The following NRXN3 variants were observed in gnomAD, a reference collection of about 807,000 sequenced individuals.
NRXN3 encodes neurexin 3.
Under a neutral mutation model 137.6 loss-of-function variants are expected in NRXN3, and 32 were observed. The observed-to-expected ratio is 0.23, with a 90% confidence interval of 0.18 to 0.31. NRXN3 has a LOEUF of 0.31. Ranked by LOEUF, NRXN3 falls within the 10% of genes least tolerant of loss-of-function variation. The probability of loss-of-function intolerance (pLI) is 1.00; values close to 1 mark genes in which losing one functional copy is unlikely to be tolerated. For missense variants in NRXN3, 1,574 were observed against 2,062.5 expected (o/e 0.76, Z 4.59); for synonymous variants, 798 against 784.5 (o/e 1.02, Z -0.29).
intron 15 of NRXN3, among the ~76,000 whole-genome samples, chr14:79,423,518 C>G (rs2095611730): frequency 6.6e-6 from 1 of 152,198 alleles, no homozygotes; most frequent in Non-Finnish European, 1.5e-5. Flanking sequence ...AGGACCAGTA[C>G]TAGAATGGTT....
At chr14:78,710,619 T>A (rs1338435240) in intron 7 of NRXN3, among the ~76,000 whole-genome samples, 1 of 152,244 alleles carries the variant, frequency 6.6e-6, no homozygotes, top group Non-Finnish European at 1.5e-5. Flanking sequence ...TGATGAACAT[T>A]AAAAAGTCTC....
chr14:79,754,503 GAT>G (rs57962525), intron 19 of NRXN3, among the ~76,000 whole-genome samples: 3 of 44,180 alleles, frequency 6.8e-5, no homozygotes, highest in Non-Finnish European at 1.0e-4. Flanking sequence ...ACTCTCTCTT[GAT>G]ATATATATAT....
intron 19 of NRXN3, among the ~76,000 whole-genome samples, chr14:79,760,069 T>G (rs1289976671): frequency 3.3e-5 from 5 of 151,658 alleles, no homozygotes; most frequent in Non-Finnish European, 5.9e-5. Context: ...AATACATATA[T>G]ATACTATGTG....
chr14:79,736,021 T>C (rs1043171345), intron 19 of NRXN3, among the ~76,000 whole-genome samples: 8 of 152,214 alleles, frequency 5.3e-5, no homozygotes, highest in Admixed American at 1.3e-4. Context: ...ATTTATCTTG[T>C]TCCAGGGCAT....
chr14:79,150,453 G>T (rs1278101764), intron 15 of NRXN3, among the ~76,000 whole-genome samples: 1 of 151,908 alleles, frequency 6.6e-6, no homozygotes, highest in Non-Finnish European at 1.5e-5. Flanking sequence ...TGAGAGATGT[G>T]ACTAACACCC....
intron 4 of NRXN3, among the ~76,000 whole-genome samples, chr14:78,610,827 C>T (rs2152467834): frequency 6.6e-6 from 1 of 152,342 alleles, no homozygotes; most frequent in South Asian, 2.1e-4. Flanking sequence ...ACTCCACATC[C>T]ACTCAGCTGC....
chr14:79,740,440 C>G lies in NRXN3; in HGVS notation c.4014+42503C>G, dbSNP rs139797099. Among the ~76,000 whole-genome samples, 611 of 151,984 alleles carry G rather than the reference C, an allele frequency of 4.0e-3. 7 individuals are homozygous for G. Among genetic ancestry groups the G allele is most frequent in the African/African-American group, 0.014 (574 of 41,476 alleles). On this transcript the variant is annotated intron_variant, in intron 19 of 20. Transcript: ENST00000335750. ...TTCTGAGTCTGCCTTCCTGGCTCTT[C>G]ACAATGCAGCCTGAGTCCATCTTTT...
chr14:79,425,166 A>G (rs1193304940), intron 15 of NRXN3, among the ~76,000 whole-genome samples: 6 of 152,196 alleles, frequency 3.9e-5, no homozygotes, highest in Admixed American at 2.6e-4. Flanking sequence ...CGATTGCTAT[A>G]AATTAAAACT....
intron 2 of NRXN3, among the ~76,000 whole-genome samples, chr14:78,268,108 G>A (rs961089979): frequency 6.6e-6 from 1 of 152,060 alleles, no homozygotes; most frequent in Non-Finnish European, 1.5e-5. Context: ...TTTAATGAGG[G>A]GATTGAGGGG....
At chr14:78,364,769 C>T (rs1478946474) in intron 4 of NRXN3, among the ~76,000 whole-genome samples, 1 of 152,144 alleles carries the variant, frequency 6.6e-6, no homozygotes, top group Non-Finnish European at 1.5e-5. Flanking sequence ...TATACAAACT[C>T]CCAAAGAAAC....
At chr14:78,930,233 C>T (rs1457796997) in intron 10 of NRXN3, among the ~76,000 whole-genome samples, 1 of 152,134 alleles carries the variant, frequency 6.6e-6, no homozygotes, top group African/African-American at 2.4e-5. Flanking sequence ...AGCCAGGCTT[C>T]CTATATGCCT....
intron 2 of NRXN3, among the ~76,000 whole-genome samples, chr14:78,256,168 G>A (rs952749672): frequency 1.3e-5 from 2 of 152,150 alleles, no homozygotes; most frequent in Admixed American, 1.3e-4. Context: ...GCAGTGGAAT[G>A]GCTGTTTGAG....
intron 4 of NRXN3, among the ~76,000 whole-genome samples, chr14:78,542,216 C>G (rs764599256): frequency 1.3e-5 from 2 of 152,212 alleles, no homozygotes; most frequent in Non-Finnish European, 2.9e-5. Flanking sequence ...AGCTGTCAGA[C>G]AGGGACGTTT....
intron 20 of NRXN3, among the ~76,000 whole-genome samples, chr14:79,822,904 A>G (rs1002678708): frequency 2.0e-5 from 3 of 152,234 alleles, no homozygotes; most frequent in Non-Finnish European, 2.9e-5. Flanking sequence ...GTCTACTTAA[A>G]GAAAGACAGA....
At chr14:78,993,817 T>A (rs1567928913) in intron 15 of NRXN3, among the ~76,000 whole-genome samples, 1 of 149,916 alleles carries the variant, frequency 6.7e-6, no homozygotes, top group Non-Finnish European at 1.5e-5. Context: ...TGGTTTTCAT[T>A]GAAGATGAGC....
rs115955054 is a variant in NRXN3, at chr14:78,496,213, T to C, written c.758-148907T>C. Among the ~76,000 whole-genome samples, 464 of 152,298 alleles carry C rather than the reference T, an allele frequency of 3.0e-3. 8 individuals are homozygous for C. Among genetic ancestry groups the C allele is most frequent in the African/African-American group, 0.011 (448 of 41,582 alleles). On this transcript the variant is annotated intron_variant, in intron 4 of 20. Transcript: ENST00000335750. ...AACCATCTTAGCTTCTTCAACATTATACAGTGAAAGCCAGAGGGGAAACCT... is the reference window on the plus strand; with the variant it reads ...AACCATCTTAGCTTCTTCAACATTACACAGTGAAAGCCAGAGGGGAAACCT...
chr14:78,479,467 C>T (rs73316501), intron 4 of NRXN3, among the ~76,000 whole-genome samples: 7,717 of 152,232 alleles, frequency 0.051, 260 homozygotes, highest in African/African-American at 0.093. Context: ...TTCTGGGGAC[C>T]ACAGTTTAAG....
chr14:79,027,096 A>T (rs12892479), intron 15 of NRXN3, among the ~76,000 whole-genome samples: 75,986 of 146,406 alleles, frequency 0.52, 22,402 homozygotes, highest in East Asian at 0.78. Context: ...TTTTTTTTTT[A>T]AAACTTGTTG....
chr14:78,832,588 A>G lies in NRXN3; in HGVS notation c.2275+22244A>G, dbSNP rs141325377. Among the ~76,000 whole-genome samples the G allele has an allele frequency of 1.0e-3, 155 of 151,930 alleles. 1 individual carries two copies. The highest frequency in any genetic ancestry group is 3.6e-3 in the African/African-American group (149 of 41,438). On this transcript the variant is annotated intron_variant, in intron 10 of 20. Transcript: ENST00000335750. ...AATACCAGCATGTTTCTCAGTGGGG[A>G]GTGGGGTAAAGGAGGAGGACAAGAG...
Sources: allele counts gnomAD v4.1 joint callset (sites outside exome capture counted in the v4.1 genomes callset), GRCh38; gene constraint gnomAD v4.1.1; transcripts MANE v1.5; gene names NCBI Gene and HGNC (gene_info 2026-07-23, HGNC 2026-07-21).